CMTM1: variants seen among roughly 807,000 people sequenced by gnomAD.
The protein encoded by CMTM1 is CKLF like MARVEL transmembrane domain containing 1, also known as CKLF-like MARVEL transmembrane domain-containing protein 1.
A neutral mutation model predicts 17.8 loss-of-function variants in CMTM1; 16 were observed. That is an observed-to-expected ratio of 0.90 (90% CI 0.61 to 1.37). CMTM1 has a LOEUF of 1.37. Ranked by LOEUF, CMTM1 falls within the 40% of genes most tolerant of loss-of-function variation. CMTM1 has a pLI of 0.00. For missense variants in CMTM1, 354 were observed against 375.6 expected, an observed-to-expected ratio of 0.94 and a Z score of 0.47; for synonymous variants, 169 against 154.6, an observed-to-expected ratio of 1.09 and a Z score of -0.69.
chr16:66,575,566 G>A (rs867916428), intron 2 of CMTM1, among the ~76,000 whole-genome samples: 1 of 152,168 alleles, frequency 6.6e-6, no homozygotes, highest in Admixed American at 6.5e-5. Context: ...TTATTTGGGT[G>A]TCCCTCATGG....
chr16:66,578,977 C>T lies in CMTM1; in HGVS notation c.837C>T (p.Pro279=). The T allele has an allele frequency of 6.2e-7, 1 of 1,613,740 alleles. No individual in the cohort carries two copies. Among genetic ancestry groups the T allele is most frequent in the East Asian group, 2.2e-5 (1 of 44,876 alleles). ...PAKDAYPETG[P]DAPQRPA ...AGGACGCCTACCCCGAAACCGGCCCCGACGCCCCGCAGAGGCCCGCCTGAA... is the reference window on the plus strand; with the variant it reads ...AGGACGCCTACCCCGAAACCGGCCCTGACGCCCCGCAGAGGCCCGCCTGAA... Residue 279 remains proline (P), a synonymous_variant, in exon 4 of 4, where the codon CCC becomes CCT. Transcript: ENST00000379500.
chr16:66,568,314 T>C (rs1420256277), intron 1 of CMTM1, among the ~76,000 whole-genome samples: 1 of 152,134 alleles, frequency 6.6e-6, no homozygotes, highest in African/African-American at 2.4e-5. Flanking sequence ...GAAAATGAGA[T>C]TATATCTATC....
intron 2 of CMTM1, among the ~76,000 whole-genome samples, chr16:66,576,617 G>C (rs556752136): frequency 2.0e-5 from 3 of 152,134 alleles, no homozygotes; most frequent in African/African-American, 7.2e-5. Flanking sequence ...CAGAGCGTTG[G>C]CTTTACCTGC....
intron 2 of CMTM1, among the ~76,000 whole-genome samples, chr16:66,573,849 G>A (rs1282988314): frequency 6.6e-6 from 1 of 151,808 alleles, no homozygotes; most frequent in East Asian, 1.9e-4. Flanking sequence ...ACCATGCCTG[G>A]CTAATTTTTG....
chr16:66,566,856 G>T lies in CMTM1; in HGVS notation c.343G>T (p.Glu115Ter). 12 of 1,614,080 alleles carry T rather than the reference G, an allele frequency of 7.4e-6. No individual in the cohort carries two copies. Among genetic ancestry groups the T allele is most frequent in the Non-Finnish European group, 1.0e-5 (12 of 1,180,024 alleles). Residue 115 changes from glutamate to a stop codon, truncating the protein, a stop_gained, in exon 1 of 4, where the codon GAG becomes TAG. Coordinates refer to ENST00000379500, the MANE Select transcript of CMTM1 (RefSeq NM_052999.4). LOFTEE classifies it high-confidence loss of function. This position sits in a 1 kb window ranked among gnomAD's most constrained non-coding sequence, Gnocchi z 4.9. ...TGAGATGGCGATCAAAGAGCGCGTG[G>T]AGGGCCGAGCCAAAGTCCCGTACAA... ...LNEMAIKERV[E>*]GRAKVPYKFR... is the part of the protein sequence containing the mutation.
chr16:66,572,673 G>A (rs1016951946), intron 2 of CMTM1, among the ~76,000 whole-genome samples: 5 of 152,134 alleles, frequency 3.3e-5, no homozygotes, highest in Non-Finnish European at 5.9e-5. Flanking sequence ...CCACAGCTGA[G>A]AGTGCCCAGC....
Position 66,578,848 on chromosome 16 carries a change from G to T in CMTM1, c.708G>T (p.Ala236=), listed in dbSNP as rs377254479. 5.6e-6 allele frequency: 9 copies of T among 1,614,006 alleles called. No homozygotes were observed. In the Admixed American group the frequency reaches 1.5e-4, roughly 27 times the overall value. The part of the protein sequence containing the change: ...LYVGGSLCLT[A]VIVCCIDAFV... ...TCTGACAGTCCCTGTGTCTCACAGC[G>T]GTAATCGTGTGTTGCATCGATGCGT... Residue 236 remains alanine (A), a synonymous_variant, in exon 4 of 4, where the codon GCG becomes GCT. Transcript: ENST00000379500.
chr16:66,575,709 G>A (rs2014147081), intron 2 of CMTM1, among the ~76,000 whole-genome samples: 1 of 152,176 alleles, frequency 6.6e-6, no homozygotes, highest in African/African-American at 2.4e-5. Flanking sequence ...GCTTTGTGAG[G>A]GTTAAATGAG....
intron 2 of CMTM1, among the ~76,000 whole-genome samples, chr16:66,576,432 T>C (rs538349535): frequency 1.3e-5 from 2 of 150,876 alleles, no homozygotes; most frequent in South Asian, 2.1e-4. Flanking sequence ...TGAAATCCAA[T>C]TGAAACCCAG....
chr16:66,567,158 T>TC (rs2012620515), intron 1 of CMTM1: 1 of 643,532 alleles, frequency 1.6e-6, no homozygotes, highest in Non-Finnish European at 2.7e-6. Context: ...TTTTTTCTTT[T>TC]TTTTTTTTTT....
In CMTM1 at chr16:66,578,995, C is replaced by T. The variant is rs2144695664; in HGVS notation, c.855C>T (p.Pro285=). Residue 285 remains proline (P), a synonymous_variant, in exon 4 of 4, where the codon CCC becomes CCT. Coordinates refer to ENST00000379500, the MANE Select transcript of CMTM1 (RefSeq NM_052999.4). ...CCGGCCCCGACGCCCCGCAGAGGCCCGCCTGAAGCCAGCCCGGCGCCCTAG... is the reference window on the plus strand; with the variant it reads ...CCGGCCCCGACGCCCCGCAGAGGCCTGCCTGAAGCCAGCCCGGCGCCCTAG... ...PETGPDAPQR[P]A The T allele has an allele frequency of 1.9e-6, 3 of 1,613,084 alleles. No homozygotes were observed. The highest frequency in any genetic ancestry group is 2.5e-6 in the Non-Finnish European group (3 of 1,179,862).
chr16:66,567,058 A>C (rs759294577), intron 1 of CMTM1, 113 bp downstream of exon 1: 6 of 1,169,318 alleles, frequency 5.1e-6, no homozygotes, highest in Non-Finnish European at 7.5e-6. Context: ...TTTGCCACTC[A>C]CCTTTGTTTT....
chr16:66,577,038 C>G, intron 2 of CMTM1, 66 bp from the exon 3 acceptor site: 3 of 1,431,250 alleles, frequency 2.1e-6, no homozygotes, highest in Non-Finnish European at 9.7e-7. Flanking sequence ...GTGTAATTGA[C>G]CAGTTTAAAT....
intron 2 of CMTM1, chr16:66,574,920 T>G (rs1471677743): frequency 1.0e-6 from 1 of 981,598 alleles, no homozygotes; most frequent in Admixed American, 6.2e-5. Flanking sequence ...TTTGACTACC[T>G]TGGTTTATAC....
Position 66,570,016 on chromosome 16 carries a change from C to A in CMTM1, c.513C>A (p.Ile171=), listed in dbSNP as rs2144620313. The A allele has an allele frequency of 1.9e-6, 3 of 1,612,692 alleles. No individual in the cohort carries two copies. The highest frequency in any genetic ancestry group is 2.5e-6 in the Non-Finnish European group (3 of 1,179,072). The part of the protein sequence containing the change: ...ESFITITSLE[I]CIVVFFILIY... Reference sequence around the variant, plus strand: ...TTATAACAATCACAAGTCTGGAAATCTGCATTGTCGTTTTTTTTATTCTAA... The same window carrying A: ...TTATAACAATCACAAGTCTGGAAATATGCATTGTCGTTTTTTTTATTCTAA... Residue 171 remains isoleucine (I), a synonymous_variant, in exon 2 of 4, where the codon ATC becomes ATA. Transcript: ENST00000379500.
rs775164738 is a variant in CMTM1 at position 66,577,180 on chromosome 16, G to T, written c.668G>T (p.Arg223Met). The stretch of plus-strand genomic sequence containing the variant: ...TTGGCCATGCAAGAAAAGAAAAGAA[G>T]GCATTTACTCTATGTCGGGGGGGTA... ...AILAMQEKKR[R>M]HLLYVGGSLC... The change falls in exon 3 of 4, where the codon AGG becomes ATG. Residue 223 changes from arginine (R) to methionine (M), a missense_variant. By Grantham distance (91) the Arg-to-Met change is moderately conservative. Coordinates refer to ENST00000379500, the MANE Select transcript of CMTM1 (RefSeq NM_052999.4). 6.2e-7 allele frequency: 1 copy of T among 1,613,820 alleles called. No individual in the cohort carries two copies. The highest frequency in any genetic ancestry group is 8.5e-7 in the Non-Finnish European group (1 of 1,179,860).
chr16:66,577,937 T>A (rs1188383063), intron 3 of CMTM1, among the ~76,000 whole-genome samples: 17 of 152,210 alleles, frequency 1.1e-4, no homozygotes. Flanking sequence ...TAAATATCTG[T>A]CAATCCCATT....
intron 2 of CMTM1, among the ~76,000 whole-genome samples, chr16:66,576,113 C>T (rs937187889): frequency 2.6e-5 from 4 of 152,204 alleles, no homozygotes; most frequent in Non-Finnish European, 5.9e-5. Context: ...GAACTCAGGA[C>T]TGGCCGGGCG....
intron 2 of CMTM1, among the ~76,000 whole-genome samples, chr16:66,575,729 T>C (rs1368200062): frequency 1.3e-5 from 2 of 152,214 alleles, no homozygotes; most frequent in Admixed American, 1.3e-4. Flanking sequence ...GGTTAAATGA[T>C]GGACTGGGAA....
Sources: allele counts gnomAD v4.1 joint callset (sites outside exome capture counted in the v4.1 genomes callset), GRCh38; gene constraint gnomAD v4.1.1; non-coding constraint Gnocchi (gnomAD v3.1); transcripts MANE v1.5; gene names NCBI Gene and HGNC (gene_info 2026-07-23, HGNC 2026-07-21).